Variants in TASP1 observed in about 807,000 individuals in gnomAD.
TASP1 encodes the protein taspase 1.
A neutral mutation model predicts 56.6 loss-of-function variants in TASP1; 16 were observed. The observed-to-expected ratio is 0.28, with a 90% confidence interval of 0.19 to 0.43. The LOEUF (loss-of-function observed/expected upper bound fraction) is 0.43, where lower values mean the gene tolerates loss of function less well. Among genes scored for constraint, TASP1 ranks in the 20% least tolerant of loss-of-function variants. TASP1 has a pLI of 1.00. For missense variants in TASP1, 393 were observed against 511.6 expected (o/e 0.77, Z 2.24); for synonymous variants, 179 against 184.2 (o/e 0.97, Z 0.23).
the TASP1 span, among the ~76,000 whole-genome samples, chr20:13,310,808 G>C: frequency 1.3e-5 from 2 of 152,180 alleles, no homozygotes; most frequent in Non-Finnish European, 2.9e-5. Context: ...ATGGATATAT[G>C]TAAAGTTGCT....
intron 6 of TASP1, among the ~76,000 whole-genome samples, chr20:13,578,969 T>C (rs2057258): frequency 0.45 from 67,737 of 151,976 alleles, 15,283 homozygotes; most frequent in Non-Finnish European, 0.48. Flanking sequence ...GCTTGGTAAA[T>C]GCCATGAGGA....
intron 4 of TASP1, among the ~76,000 whole-genome samples, chr20:13,587,959 A>G (rs2047369712): frequency 6.6e-6 from 1 of 152,002 alleles, no homozygotes; most frequent in Admixed American, 6.6e-5. Context: ...GACACCATCT[A>G]TACAAAAAAA....
At chr20:13,613,790 T>C (rs1477294253) in intron 4 of TASP1, among the ~76,000 whole-genome samples, 1 of 152,074 alleles carries the variant, frequency 6.6e-6, no homozygotes, top group East Asian at 1.9e-4. Flanking sequence ...CTTTAACCAA[T>C]AAGTTTCAGC....
chr20:13,218,130 A>T, the TASP1 span, among the ~76,000 whole-genome samples: 4 of 152,082 alleles, frequency 2.6e-5, no homozygotes, highest in Non-Finnish European at 5.9e-5. Context: ...AGGATTCTGT[A>T]ATCCCAGCTA....
chr20:13,119,795 A>AG, the TASP1 span, among the ~76,000 whole-genome samples: 23 of 152,340 alleles, frequency 1.5e-4, no homozygotes, highest in Admixed American at 1.3e-4. Flanking sequence ...TTGAAAACAT[A>AG]GGGGCTGTTT....
At chr20:13,526,177 G>A (rs989472008) in intron 10 of TASP1, among the ~76,000 whole-genome samples, 7 of 152,124 alleles carry the variant, frequency 4.6e-5, no homozygotes, top group East Asian at 1.9e-4. Context: ...CAATCTCCTC[G>A]GACTTGGAAA....
chr20:13,316,812 A>T, the TASP1 span, among the ~76,000 whole-genome samples: 3 of 151,914 alleles, frequency 2.0e-5, no homozygotes, highest in Non-Finnish European at 4.4e-5. Flanking sequence ...AAAACCTACA[A>T]AACACCCGAT....
At chr20:13,330,313 A>G in the TASP1 span, among the ~76,000 whole-genome samples, 1 of 152,202 alleles carries the variant, frequency 6.6e-6, no homozygotes, top group Admixed American at 6.5e-5. Flanking sequence ...TTCTTCTCTC[A>G]ATTGTTAACA....
At chr20:13,127,372 G>A in the TASP1 span, among the ~76,000 whole-genome samples, 1 of 152,174 alleles carries the variant, frequency 6.6e-6, no homozygotes, top group Non-Finnish European at 1.5e-5. Context: ...GCTGAATAAG[G>A]CAGTTCTTGC....
chr20:13,443,910 A>G (rs955533486), intron 11 of TASP1, among the ~76,000 whole-genome samples: 15 of 152,188 alleles, frequency 9.9e-5, no homozygotes, highest in Admixed American at 3.3e-4. Flanking sequence ...AGGCCAGTGG[A>G]GTAGAGTTAG....
the TASP1 span, among the ~76,000 whole-genome samples, chr20:13,373,865 A>C: frequency 6.6e-6 from 1 of 151,918 alleles, no homozygotes; most frequent in African/African-American, 2.4e-5. Flanking sequence ...TTCTTCTAGT[A>C]CTTCCATTAT....
At chr20:13,638,675 G>A (rs2049401600) in intron 1 of TASP1, among the ~76,000 whole-genome samples, 2 of 152,176 alleles carry the variant, frequency 1.3e-5, no homozygotes, top group Admixed American at 6.5e-5. Flanking sequence ...AGATGAGGCT[G>A]GGAAGGGGGA....
the TASP1 span, among the ~76,000 whole-genome samples, chr20:13,296,240 G>A: frequency 6.6e-6 from 1 of 152,120 alleles, no homozygotes; most frequent in Non-Finnish European, 1.5e-5. Context: ...ACCCCTCTGT[G>A]CCTTTGCCTG....
chr20:13,311,216 T>TAGATAGATA, the TASP1 span, among the ~76,000 whole-genome samples: 63 of 133,292 alleles, frequency 4.7e-4, no homozygotes, highest in African/African-American at 1.6e-3. Context: ...TATAGATAGA[T>TAGATAGATA]GATAGATAGA....
At chr20:13,577,143 A>C (rs2046953755) in intron 6 of TASP1, among the ~76,000 whole-genome samples, 4 of 152,194 alleles carry the variant, frequency 2.6e-5, no homozygotes, top group Admixed American at 1.3e-4. Flanking sequence ...CATGGGGGAC[A>C]GTAGAAGGAA....
Position 13,556,031 on chromosome 20 carries a change from T to C in TASP1, c.675+2977A>G, listed in dbSNP as rs12480277. Among the ~76,000 whole-genome samples, 919 of 152,268 alleles carry C rather than the reference T, an allele frequency of 6.0e-3. 4 individuals carry two copies. The highest frequency in any genetic ancestry group is 0.012 in the East Asian group (61 of 5,180). ...GGTTTTATGGTGAAAATGGAAAGCATTGGTCAATCTGAGCCCATTAAGTTG... is the reference window on the plus strand; with the variant it reads ...GGTTTTATGGTGAAAATGGAAAGCACTGGTCAATCTGAGCCCATTAAGTTG... On this transcript the variant is annotated intron_variant, in intron 8 of 13. Transcript: ENST00000337743.
chr20:13,216,670 A>G, the TASP1 span, among the ~76,000 whole-genome samples: 1 of 152,176 alleles, frequency 6.6e-6, no homozygotes, highest in Non-Finnish European at 1.5e-5. Flanking sequence ...ACAAACCACA[A>G]AAGTTTAATG....
At chr20:13,348,051 A>G in the TASP1 span, among the ~76,000 whole-genome samples, 1 of 152,036 alleles carries the variant, frequency 6.6e-6, no homozygotes, top group Non-Finnish European at 1.5e-5. Flanking sequence ...TTTTTGTTGT[A>G]CCAACAGGAT....
chr20:13,184,301 C>A, the TASP1 span, among the ~76,000 whole-genome samples: 1 of 151,806 alleles, frequency 6.6e-6, no homozygotes, highest in Admixed American at 6.6e-5. Context: ...ATGAACTAAC[C>A]AAAACAATGA....
Sources: allele counts gnomAD v4.1 joint callset (sites outside exome capture counted in the v4.1 genomes callset), GRCh38; gene constraint gnomAD v4.1.1; transcripts MANE v1.5; gene names NCBI Gene and HGNC (gene_info 2026-07-23, HGNC 2026-07-21).